The following MORN3 variants were observed in gnomAD, a reference collection of about 807,000 sequenced individuals.
MORN3 encodes the protein MORN repeat-containing protein 3.
Under a neutral mutation model 34.7 loss-of-function variants are expected in MORN3, and 38 were observed. That is an observed-to-expected ratio of 1.10 (90% confidence interval 0.85 to 1.44). The LOEUF (loss-of-function observed/expected upper bound fraction) is 1.44. Ranked by LOEUF, MORN3 falls within the 40% of genes most tolerant of loss-of-function variation. MORN3 has a pLI of 0.00. For missense variants in MORN3, 311 were observed against 321.7 expected, an observed-to-expected ratio of 0.97 and a Z score of 0.25; for synonymous variants, 109 against 115.3, an observed-to-expected ratio of 0.95 and a Z score of 0.35.
At position 121,650,008 on chromosome 12, in the gene MORN3, G is replaced by GT. The variant is rs1893215204; in HGVS notation, c.*1642dup. The GT allele has an allele frequency of 6.6e-6, 1 of 151,858 alleles. No individual in the cohort carries two copies. Among genetic ancestry groups the GT allele is most frequent in the Non-Finnish European group, 1.5e-5 (1 of 68,010 alleles). The allele number at this position is 151,858 out of a possible 1,614,324, so 9.4% of individuals were successfully genotyped here. A position where few individuals can be genotyped will look rare whatever the true frequency, so the allele number is the denominator to read the frequency against. On this transcript the variant is annotated 3_prime_UTR_variant, in exon 6 of 6. Coordinates refer to ENST00000355329, the MANE Select transcript of MORN3 (RefSeq NM_173855.5). ...CATTGCCAAATGTCCCCAAGAAAGA[G>GT]TGGGGCTGAGGGAGGACAAAATCCT...
rs150256271 is a variant in MORN3 at position 121,657,506 on chromosome 12, C to G, written c.303+1685G>C. ...AATCAGCACGCCTGGCTTACTCTTT[C>G]CCCCACCCACCAAGTTATCCTTAAA... On this transcript the variant is annotated intron_variant, in intron 2 of 5. Coordinates refer to ENST00000355329, the MANE Select transcript of MORN3 (RefSeq NM_173855.5). 1.2e-3 allele frequency among the ~76,000 whole-genome samples: 180 copies of G among 152,060 alleles called. 1 individual carries two copies. The highest frequency in any genetic ancestry group is 4.2e-3 in the African/African-American group (174 of 41,502).
At chr12:121,658,565 CA>C (rs62682762) in intron 2 of MORN3, among the ~76,000 whole-genome samples, 17,236 of 68,922 alleles carry the variant, frequency 0.25, 761 homozygotes, top group Non-Finnish European at 0.3. Flanking sequence ...GACTCCCTCT[CA>C]AAAAAAAAAA....
At chr12:121,661,371 A>G (rs1893575332) in intron 1 of MORN3, among the ~76,000 whole-genome samples, 1 of 152,182 alleles carries the variant, frequency 6.6e-6, no homozygotes, top group South Asian at 2.1e-4. Context: ...ATACAAGCAC[A>G]CACCAGTACA....
At chr12:121,672,158 C>T (rs1893985913), upstream of MORN3, among the ~76,000 whole-genome samples, 1 of 152,068 alleles carries the variant, frequency 6.6e-6, no homozygotes, top group South Asian at 2.1e-4. Context: ...TGTTTTGATG[C>T]TGAGTAACAA....
chr12:121,666,306 C>T (rs1353116974), intron 1 of MORN3, among the ~76,000 whole-genome samples: 4 of 152,050 alleles, frequency 2.6e-5, no homozygotes, highest in Non-Finnish European at 5.9e-5. Context: ...CAGGCGTGAG[C>T]TACCGCACCT....
intron 1 of MORN3, among the ~76,000 whole-genome samples, chr12:121,663,113 C>T (rs545694760): frequency 3.3e-5 from 5 of 152,134 alleles, no homozygotes; most frequent in East Asian, 1.9e-4. Flanking sequence ...CTTAATTGTT[C>T]TCCCCACACA....
chr12:121,668,976 C>T (rs1342197288), intron 1 of MORN3, among the ~76,000 whole-genome samples: 1 of 152,144 alleles, frequency 6.6e-6, no homozygotes, highest in Non-Finnish European at 1.5e-5. Context: ...GCCCAGAACC[C>T]CACTGCAAGC....
At chr12:121,659,100 C>T (rs1893498833) in intron 2 of MORN3, 91 bp downstream of exon 2, 2 of 1,516,512 alleles carry the variant, frequency 1.3e-6, no homozygotes, top group Non-Finnish European at 1.8e-6. Flanking sequence ...CTCTTTTCTC[C>T]CAGGCCTCTC....
Position 121,669,401 on chromosome 12 carries a change from C to A in MORN3, c.83G>T (p.Ser28Ile). Residue 28 changes from serine (S) to isoleucine (I), a missense_variant, in exon 1 of 6, where the codon AGC becomes ATC. Ser to Ile is a moderately radical substitution (Grantham distance 142). Transcript: ENST00000355329. ...GTCGCCATTCACAGCGTATACCTGG[C>A]TCCGCAGGCCGTTCCTCTGGGCCTT... ...DRKAQRNGLR[S>I]QVYAVNGDYY... is the part of the protein sequence containing the mutation. 1 of 1,614,156 alleles carries A rather than the reference C, an allele frequency of 6.2e-7. No homozygotes were observed. The highest frequency in any genetic ancestry group is 1.1e-5 in the South Asian group (1 of 91,090).
chr12:121,671,710 TCTCTA>T (rs1249034624), upstream of MORN3, among the ~76,000 whole-genome samples: 1 of 151,204 alleles, frequency 6.6e-6, no homozygotes, highest in Non-Finnish European at 1.5e-5. Context: ...TGAAACCGCG[TCTCTA>T]CTCAAACTAC....
At chr12:121,659,587 T>G (rs1594227829) in intron 1 of MORN3, among the ~76,000 whole-genome samples, 1 of 151,256 alleles carries the variant, frequency 6.6e-6, no homozygotes, top group Admixed American at 6.6e-5. Context: ...CAGGCTGGAG[T>G]GCAGTGGCGC....
At chr12:121,661,641 C>T (rs536404598) in intron 1 of MORN3, among the ~76,000 whole-genome samples, 14 of 151,936 alleles carry the variant, frequency 9.2e-5, no homozygotes, top group Non-Finnish European at 1.8e-4. Context: ...TTTGGGAGGC[C>T]GAGGCGCGCT....
rs1234691946 is a variant in MORN3, at chr12:121,660,666, CTTTCT to C, written c.146-1323_146-1319del. ...ACCCGGCCTTTTTTTTTCTTTCTTT[CTTTCT>C]TTTTTTTTTTTTTTAAGACGGAGTT... is the stretch of plus-strand genomic sequence containing the variant. On this transcript the variant is annotated intron_variant, in intron 1 of 5. Coordinates refer to ENST00000355329, the MANE Select transcript of MORN3 (RefSeq NM_173855.5). Among the ~76,000 whole-genome samples, 48 of 121,978 alleles carry C rather than the reference CTTTCT, an allele frequency of 3.9e-4. No individual in the cohort carries two copies. In the East Asian group the frequency reaches 7.9e-3, roughly 20 times the overall value. The allele number at this position is 121,978 out of a possible 152,430, so 80.0% of individuals were successfully genotyped here.
At chr12:121,661,164 G>T (rs1893570867) in intron 1 of MORN3, among the ~76,000 whole-genome samples, 1 of 152,028 alleles carries the variant, frequency 6.6e-6, no homozygotes, top group Admixed American at 6.6e-5. Flanking sequence ...TCTCTATGTT[G>T]CCCAGGCTGG....
intron 1 of MORN3, among the ~76,000 whole-genome samples, chr12:121,666,971 T>C (rs1437946023): frequency 6.7e-6 from 1 of 149,892 alleles, no homozygotes; most frequent in African/African-American, 2.5e-5. Flanking sequence ...TTTTTTTTTT[T>C]TTTGAGATGG....
intron 5 of MORN3, 93 bp downstream of exon 5, chr12:121,652,635 G>T: frequency 1.7e-6 from 2 of 1,202,452 alleles, no homozygotes; most frequent in Non-Finnish European, 2.4e-6. Context: ...CCGACCCCAA[G>T]CCCTTTGGAG....
At position 121,669,342 on chromosome 12, in the gene MORN3, G is replaced by A. The variant is rs1302549028; in HGVS notation, c.142C>T (p.His48Tyr). 1 of 1,613,312 alleles carries A rather than the reference G, an allele frequency of 6.2e-7. No individual in the cohort carries two copies. The highest frequency in any genetic ancestry group is 1.3e-5 in the African/African-American group (1 of 74,906). The change falls in exon 1 of 6, where the codon CAC becomes TAC. Residue 48 changes from histidine (H) to tyrosine (Y), a missense_variant. Coordinates refer to ENST00000355329, the MANE Select transcript of MORN3 (RefSeq NM_173855.5). ...YVGEWKDNVKHGKGTQVWKKK... is the reference protein window; with the variant it reads ...YVGEWKDNVKYGKGTQVWKKK... Reference sequence around the variant, plus strand: ...CCCGTCCCGGAGTCCCACTCACCGTGTTTCACGTTGTCCTTCCACTCGCCC... The same window carrying A: ...CCCGTCCCGGAGTCCCACTCACCGTATTTCACGTTGTCCTTCCACTCGCCC...
At chr12:121,657,610 G>A (rs917610897) in intron 2 of MORN3, among the ~76,000 whole-genome samples, 25 of 152,092 alleles carry the variant, frequency 1.6e-4, no homozygotes, top group African/African-American at 5.6e-4. Flanking sequence ...GCTCATGCCC[G>A]TAATCTTAGC....
At chr12:121,655,489 C>T (rs1043051751) in intron 2 of MORN3, among the ~76,000 whole-genome samples, 12 of 152,022 alleles carry the variant, frequency 7.9e-5, no homozygotes, top group Non-Finnish European at 1.5e-4. Flanking sequence ...GCAGATGGAT[C>T]ACCTGAGGTC....
Sources: allele counts gnomAD v4.1 joint callset (sites outside exome capture counted in the v4.1 genomes callset), GRCh38; gene constraint gnomAD v4.1.1; transcripts MANE v1.5; gene names NCBI Gene and HGNC (gene_info 2026-07-23, HGNC 2026-07-21).